The following SLC9B1 variants were observed in gnomAD, a reference collection of about 807,000 sequenced individuals.
SLC9B1 encodes solute carrier family 9 member B1.
SLC9B1 carries 32 observed loss-of-function variants against 51.7 expected under a neutral mutation model. The ratio of observed to expected loss-of-function variants is 0.62; its 90% confidence interval spans 0.47 to 0.83. The LOEUF is 0.83. Among genes scored for constraint, SLC9B1 ranks in the 40% least tolerant of loss-of-function variants. The pLI is 0.00. For synonymous variants in SLC9B1, 145 were observed against 212.7 expected, an observed-to-expected ratio of 0.68 and a Z score of 2.77; for missense variants, 406 against 613.2, an observed-to-expected ratio of 0.66 and a Z score of 3.57.
At chr4:102,940,450 A>G (rs977938952) in intron 6 of SLC9B1, among the ~76,000 whole-genome samples, 2 of 152,174 alleles carry the variant, frequency 1.3e-5, no homozygotes, top group African/African-American at 2.4e-5. Flanking sequence ...TACAGAGTCA[A>G]TGCTATTCCT....
At chr4:102,971,388 A>G (rs1290123056) in intron 3 of SLC9B1, among the ~76,000 whole-genome samples, 1 of 152,212 alleles carries the variant, frequency 6.6e-6, no homozygotes, top group East Asian at 1.9e-4. Context: ...CTGAATGACT[A>G]TTGGGTAAAT....
chr4:103,001,348 C>G (rs182212424), intron 1 of SLC9B1, among the ~76,000 whole-genome samples: 5 of 152,242 alleles, frequency 3.3e-5, no homozygotes, highest in African/African-American at 1.2e-4. Flanking sequence ...GCTTGAACTT[C>G]TCCCCCAAAA....
downstream of SLC9B1, among the ~76,000 whole-genome samples, chr4:102,896,010 T>C (rs1159925499): frequency 5.3e-5 from 8 of 152,180 alleles, no homozygotes; most frequent in Non-Finnish European, 1.2e-4. Context: ...GACATGCAGA[T>C]TTGTAGGCAT....
At chr4:102,910,328 G>C (rs1735278240) in intron 9 of SLC9B1, 111 bp downstream of exon 9, 1 of 899,090 alleles carries the variant, frequency 1.1e-6, no homozygotes, top group Non-Finnish European at 1.6e-6. Flanking sequence ...CTTTCTTGAG[G>C]ACAGAAAACC....
chr4:103,008,422 C>CTT (rs3974483), intron 1 of SLC9B1, among the ~76,000 whole-genome samples: 3 of 145,772 alleles, frequency 2.1e-5, no homozygotes, highest in South Asian at 2.2e-4. Context: ...TCATTTGCTA[C>CTT]TTTTTTTTTT....
chr4:102,914,642 G>A (rs557624783), intron 7 of SLC9B1, among the ~76,000 whole-genome samples: 5 of 152,200 alleles, frequency 3.3e-5, no homozygotes, highest in African/African-American at 9.6e-5. Context: ...ACATCAAGCA[G>A]AATAAAGAAT....
intron 7 of SLC9B1, among the ~76,000 whole-genome samples, chr4:102,931,823 A>AT (rs1560935041): frequency 6.6e-6 from 1 of 152,202 alleles, no homozygotes; most frequent in South Asian, 2.1e-4. Flanking sequence ...ATACCGCTGA[A>AT]TTTTTTCTAA....
At chr4:102,921,909 A>G (rs1310655599) in intron 7 of SLC9B1, among the ~76,000 whole-genome samples, 3 of 152,216 alleles carry the variant, frequency 2.0e-5, no homozygotes, top group African/African-American at 7.2e-5. Context: ...AGATTCATAA[A>G]GCAGGTCCTT....
At chr4:102,977,413 A>C (rs1382510178) in intron 3 of SLC9B1, among the ~76,000 whole-genome samples, 1 of 152,136 alleles carries the variant, frequency 6.6e-6, no homozygotes, top group African/African-American at 2.4e-5. Flanking sequence ...TAAGAGAATT[A>C]CAAACAGGAT....
chr4:103,013,076 A>G (rs966964468), intron 1 of SLC9B1, among the ~76,000 whole-genome samples: 4 of 152,222 alleles, frequency 2.6e-5, no homozygotes, highest in Non-Finnish European at 4.4e-5. Context: ...TTAGCACCAA[A>G]CACAATGGTT....
intron 3 of SLC9B1, among the ~76,000 whole-genome samples, chr4:102,970,784 T>C (rs1738714711): frequency 6.6e-6 from 1 of 152,106 alleles, no homozygotes; most frequent in African/African-American, 2.4e-5. Flanking sequence ...AATAAAGGGA[T>C]AGAGGAATAT....
chr4:102,961,298 A>G (rs1439228064), intron 3 of SLC9B1, among the ~76,000 whole-genome samples: 1 of 152,296 alleles, frequency 6.6e-6, no homozygotes, highest in African/African-American at 2.4e-5. Flanking sequence ...AAAAAAAGGT[A>G]CAAAACAATT....
At position 102,949,388 on chromosome 4, in the gene SLC9B1, A is replaced by G; in HGVS notation, c.251T>C (p.Ile84Thr). The change falls in exon 4 of 12, where the codon ATC (isoleucine) becomes ACC (threonine). Residue 84 changes from isoleucine to threonine, a missense_variant. Ile to Thr is a moderately conservative substitution (Grantham distance 89). Around this residue, in one of 6 missense-constraint regions of SLC9B1, gnomAD observed 108 missense variants for 94.5 expected, o/e 1.14. Coordinates refer to ENST00000296422, the MANE Select transcript of SLC9B1 (RefSeq NM_139173.4). ...LFVIWCMTWS[I>T]LGSEALPGGN... The stretch of plus-strand genomic sequence containing the variant: ...ACCAGGGAGAGCTTCAGAGCCTAAG[A>G]TTGACCAGGTCATACACCATATCAC... 1 of 1,609,828 alleles carries G rather than the reference A, an allele frequency of 6.2e-7. No homozygotes were observed. Among genetic ancestry groups the G allele is most frequent in the Non-Finnish European group, 8.5e-7 (1 of 1,179,080 alleles).
intron 1 of SLC9B1, among the ~76,000 whole-genome samples, chr4:103,016,155 G>GAAAAAAAAAAAAAAAAAAAAAA (rs1286956791): frequency 4.0e-5 from 3 of 74,218 alleles, no homozygotes; most frequent in African/African-American, 6.5e-5. Context: ...AAAAAAAAAG[G>GAAAAAAAAAAAAAAAAAAAAAA]AAAGTATATG....
At chr4:102,926,749 C>A (rs1371971350) in intron 7 of SLC9B1, among the ~76,000 whole-genome samples, 3 of 152,126 alleles carry the variant, frequency 2.0e-5, no homozygotes, top group Non-Finnish European at 4.4e-5. Flanking sequence ...AAAAAAACTG[C>A]TTTAAAGTTC....
chr4:102,984,654 T>G lies in SLC9B1; in HGVS notation c.211+5146A>C, dbSNP rs577742837. ...TGTTCCATATTAGCCGGAGCAGAAT[T>G]TGTATTTTGCTCTTTTGGGATGAAG... On this transcript the variant is annotated intron_variant, in intron 3 of 11. Transcript: ENST00000296422. Among the ~76,000 whole-genome samples, 438 of 152,282 alleles carry G rather than the reference T, an allele frequency of 2.9e-3. 1 individual carries two copies. The highest frequency in any genetic ancestry group is 4.9e-3 in the Non-Finnish European group (331 of 68,020).
chr4:102,992,762 A>G (rs1200711579), intron 1 of SLC9B1, among the ~76,000 whole-genome samples: 3 of 152,196 alleles, frequency 2.0e-5, no homozygotes, highest in African/African-American at 7.2e-5. Flanking sequence ...AGAATGATGT[A>G]TTAGTCCATT....
intron 7 of SLC9B1, among the ~76,000 whole-genome samples, chr4:102,921,551 C>T (rs1735878015): frequency 6.6e-6 from 1 of 152,146 alleles, no homozygotes; most frequent in Admixed American, 6.6e-5. Flanking sequence ...ATCAAATTCA[C>T]ACATAACAAT....
At chr4:102,985,283 A>G (rs2110513659) in intron 3 of SLC9B1, among the ~76,000 whole-genome samples, 1 of 152,282 alleles carries the variant, frequency 6.6e-6, no homozygotes, top group East Asian at 1.9e-4. Context: ...GTGTATTTAG[A>G]CCATTGACAT....
Sources: allele counts gnomAD v4.1 joint callset (sites outside exome capture counted in the v4.1 genomes callset), GRCh38; gene constraint gnomAD v4.1.1; regional missense constraint gnomAD v4.1.1; transcripts MANE v1.5; gene names NCBI Gene and HGNC (gene_info 2026-07-23, HGNC 2026-07-21).